RBFOX1: variants seen among roughly 807,000 people sequenced by gnomAD.
RBFOX1 encodes the protein RNA binding fox-1 homolog 1.
Under a neutral mutation model 57.7 loss-of-function variants are expected in RBFOX1, and 8 were observed. The observed-to-expected ratio is 0.14, with a 90% confidence interval of 0.08 to 0.25. The LOEUF is 0.25. Ranked by LOEUF, RBFOX1 falls within the 10% of genes least tolerant of loss-of-function variation. The probability of loss-of-function intolerance (pLI) is 1.00; values close to 1 mark genes in which losing one functional copy is unlikely to be tolerated. For synonymous variants in RBFOX1, 326 were observed against 222.4 expected (o/e 1.47, Z -4.15); for missense variants, 611 against 548.5 (o/e 1.11, Z -1.14).
chr16:6,737,022 G>A (rs777178506), intron 3 of RBFOX1, among the ~76,000 whole-genome samples: 7 of 152,170 alleles, frequency 4.6e-5, no homozygotes, highest in Non-Finnish European at 8.8e-5. Flanking sequence ...GAAAAGAGGA[G>A]CCTCATTTAA....
At chr16:6,198,396 C>G (rs994611547) in intron 1 of RBFOX1, among the ~76,000 whole-genome samples, 6 of 152,152 alleles carry the variant, frequency 3.9e-5, no homozygotes, top group African/African-American at 1.2e-4. Context: ...CATGTTTTGT[C>G]TATGACTTTG....
At chr16:7,586,511 C>A (rs960944631) in intron 6 of RBFOX1, among the ~76,000 whole-genome samples, 2 of 152,086 alleles carry the variant, frequency 1.3e-5, no homozygotes, top group African/African-American at 4.8e-5. Flanking sequence ...ATAAGTATGT[C>A]CCAAATGTTG....
chr16:7,551,090 A>G (rs1445049067), intron 5 of RBFOX1, among the ~76,000 whole-genome samples: 2 of 144,484 alleles, frequency 1.4e-5, no homozygotes, highest in Non-Finnish European at 3.1e-5. Flanking sequence ...GCGAGACTCA[A>G]AAAAAAAAAA....
At chr16:6,294,091 A>C (rs1000480458) in intron 1 of RBFOX1, among the ~76,000 whole-genome samples, 3 of 152,200 alleles carry the variant, frequency 2.0e-5, no homozygotes, top group Non-Finnish European at 2.9e-5. Context: ...CTGAGACAGG[A>C]GGATTGCTTG....
At chr16:7,056,989 T>C (rs1412370534) in intron 4 of RBFOX1, among the ~76,000 whole-genome samples, 3 of 149,688 alleles carry the variant, frequency 2.0e-5, no homozygotes, top group East Asian at 3.9e-4. Context: ...AGCTTTCTCA[T>C]AGGATTGGTG....
At chr16:7,241,175 A>G (rs2094036965) in intron 4 of RBFOX1, among the ~76,000 whole-genome samples, 1 of 152,202 alleles carries the variant, frequency 6.6e-6, no homozygotes, top group African/African-American at 2.4e-5. Context: ...TGGAGGATTG[A>G]TTATTCATAA....
intron 3 of RBFOX1, among the ~76,000 whole-genome samples, chr16:6,790,124 G>C (rs2082654458): frequency 6.8e-6 from 1 of 147,230 alleles, no homozygotes; most frequent in African/African-American, 2.5e-5. Context: ...TTTTCTTCTG[G>C]TTCTGATTTA....
At chr16:6,795,113 C>G (rs967022393) in intron 3 of RBFOX1, among the ~76,000 whole-genome samples, 1 of 152,160 alleles carries the variant, frequency 6.6e-6, no homozygotes, top group Admixed American at 6.5e-5. Context: ...TATATTTTAT[C>G]TACTTTCCTC....
chr16:7,516,741 A>T (rs1567621519), intron 4 of RBFOX1, among the ~76,000 whole-genome samples: 1 of 152,202 alleles, frequency 6.6e-6, no homozygotes, highest in Non-Finnish European at 1.5e-5. Flanking sequence ...ACTTATCCTA[A>T]GCTTAGTTCT....
chr16:7,085,827 G>C (rs999558775), intron 4 of RBFOX1, among the ~76,000 whole-genome samples: 4 of 152,178 alleles, frequency 2.6e-5, no homozygotes, highest in Non-Finnish European at 2.9e-5. Context: ...GGTTTGTTCA[G>C]ATGGTCCTGG....
At chr16:6,274,560 T>A (rs13337303) in intron 1 of RBFOX1, among the ~76,000 whole-genome samples, 9,801 of 152,176 alleles carry the variant, frequency 0.064, 380 homozygotes, top group Middle Eastern at 0.15. Context: ...ATGGGTGTGG[T>A]TATGAAAGGG....
chr16:5,302,802 G>A (rs1030147914), intron 1 of RBFOX1, among the ~76,000 whole-genome samples: 9 of 152,058 alleles, frequency 5.9e-5, no homozygotes, highest in African/African-American at 1.7e-4. Context: ...GCCTTTTTTA[G>A]TTTAATCTTT....
chr16:5,650,818 T>A (rs979011595), intron 3 of RBFOX1, among the ~76,000 whole-genome samples: 1 of 152,086 alleles, frequency 6.6e-6, no homozygotes, highest in African/African-American at 2.4e-5. Context: ...TTTGTCCTTA[T>A]GGAGGACGGG....
intron 2 of RBFOX1, among the ~76,000 whole-genome samples, chr16:5,536,312 A>G (rs923023307): frequency 7.0e-6 from 1 of 141,868 alleles, no homozygotes; most frequent in Non-Finnish European, 1.5e-5. Flanking sequence ...TTGACTCAGC[A>G]CAGCCTCCTC....
chr16:7,071,466 A>G (rs1325105014), intron 4 of RBFOX1, among the ~76,000 whole-genome samples: 4 of 152,058 alleles, frequency 2.6e-5, no homozygotes, highest in Non-Finnish European at 5.9e-5. Context: ...TGTATTACAT[A>G]CATATTATAT....
intron 1 of RBFOX1, chr16:6,038,893 G>A (rs1176847528): frequency 6.7e-6 from 1 of 149,726 alleles, no homozygotes; most frequent in South Asian, 2.1e-4. Context: ...TGATTCTATT[G>A]GACTCATGCC....
chr16:5,708,723 T>C (rs1483245200), intron 3 of RBFOX1, among the ~76,000 whole-genome samples: 1 of 152,116 alleles, frequency 6.6e-6, no homozygotes, highest in Non-Finnish European at 1.5e-5. Flanking sequence ...GGCACCGGCT[T>C]GGGCAATAAA....
At chr16:5,314,393 C>T (rs1166700795) in intron 1 of RBFOX1, among the ~76,000 whole-genome samples, 1 of 152,240 alleles carries the variant, frequency 6.6e-6, no homozygotes, top group Non-Finnish European at 1.5e-5. Context: ...CTGTGAACAG[C>T]CTCTGTCCTT....
chr16:7,641,247 T>C (rs573518830), intron 11 of RBFOX1, among the ~76,000 whole-genome samples: 1 of 152,298 alleles, frequency 6.6e-6, no homozygotes, highest in African/African-American at 2.4e-5. Flanking sequence ...CTTATTTCTT[T>C]TCTAAAATAA....
Sources: gnomAD v4.1 joint callset for allele counts (sites outside exome capture counted in the v4.1 genomes callset) on GRCh38, gnomAD v4.1.1 for gene constraint, MANE v1.5 for transcripts, NCBI Gene and HGNC (gene_info 2026-07-23, HGNC 2026-07-21) for gene names.